NRG3: variants seen among roughly 807,000 people sequenced by gnomAD.
NRG3 encodes the protein pro-neuregulin-3, membrane-bound isoform.
In NRG3, 31 loss-of-function variants were observed where a neutral mutation model predicts 66.9. That is an observed-to-expected ratio of 0.46 (90% CI 0.35 to 0.63). The LOEUF (loss-of-function observed/expected upper bound fraction) is 0.63. Ranked by LOEUF, NRG3 falls within the 20% of genes least tolerant of loss-of-function variation. The probability of loss-of-function intolerance (pLI) is 0.00; values close to 1 mark genes in which losing one functional copy is unlikely to be tolerated. For synonymous variants in NRG3, 393 were observed against 359.4 expected (o/e 1.09, Z -1.06); for missense variants, 910 against 878.9 (o/e 1.04, Z -0.45).
At chr10:82,968,803 T>G (rs1280143200) in intron 6 of NRG3, among the ~76,000 whole-genome samples, 1 of 152,136 alleles carries the variant, frequency 6.6e-6, no homozygotes, top group Non-Finnish European at 1.5e-5. Flanking sequence ...TTTCACACGC[T>G]GATAAAGACC....
intron 3 of NRG3, among the ~76,000 whole-genome samples, chr10:82,743,142 G>T (rs2058500862): frequency 6.6e-6 from 1 of 152,100 alleles, no homozygotes; most frequent in South Asian, 2.1e-4. Flanking sequence ...CCAGTACTTA[G>T]CATATTCCTG....
intron 2 of NRG3, among the ~76,000 whole-genome samples, chr10:82,454,316 G>T (rs1395284647): frequency 6.6e-6 from 1 of 152,056 alleles, no homozygotes; most frequent in East Asian, 1.9e-4. Context: ...TAATGGGTTT[G>T]TTTTTCTAAG....
intron 1 of NRG3, among the ~76,000 whole-genome samples, chr10:81,954,066 TAGGC>T (rs1328821016): frequency 2.0e-5 from 3 of 151,868 alleles, no homozygotes; most frequent in Admixed American, 1.3e-4. Flanking sequence ...TAAAAATAGT[TAGGC>T]AGGTATACAA....
intron 2 of NRG3, among the ~76,000 whole-genome samples, chr10:82,726,622 G>A (rs371846716): frequency 2.6e-5 from 4 of 152,114 alleles, no homozygotes; most frequent in African/African-American, 9.7e-5. Context: ...AACCTCTTTT[G>A]TAAATTGCCC....
intron 1 of NRG3, among the ~76,000 whole-genome samples, chr10:82,038,551 T>G (rs73314700): frequency 0.056 from 8,517 of 152,182 alleles, 588 homozygotes; most frequent in African/African-American, 0.15. Flanking sequence ...TGAGTTTTGT[T>G]TTGTTTTTTC....
rs116681537 is a variant in NRG3 at position 82,224,487 on chromosome 10, G to A, written c.824-134252G>A. The A allele has an allele frequency of 1.6e-3, 241 of 152,278 alleles. 1 individual carries two copies. Among genetic ancestry groups the A allele is most frequent in the African/African-American group, 5.4e-3 (224 of 41,572 alleles). The allele number at this position is 152,278 out of a possible 1,614,324, so 9.4% of individuals were successfully genotyped here. ...CCTCAAATAAACTAAGTGACCTGAC[G>A]ATAGTGACTCTTGTATTCATCTTTG... On this transcript the variant is annotated intron_variant, in intron 1 of 8. Transcript: ENST00000372141.
Position 81,954,550 on chromosome 10 carries a change from C to T in NRG3, c.823+78387C>T, listed in dbSNP as rs138830900. ...TCAAGAGCTTGCTTTCTCTCTCTCTCTATTTTTTCTTTTGGACCCCACAAT... is the reference window on the plus strand; with the variant it reads ...TCAAGAGCTTGCTTTCTCTCTCTCTTTATTTTTTCTTTTGGACCCCACAAT... On this transcript the variant is annotated intron_variant, in intron 1 of 8. Coordinates refer to ENST00000372141, the MANE Select transcript of NRG3 (RefSeq NM_001010848.4). Among the ~76,000 whole-genome samples, 11 of 152,186 alleles carry T rather than the reference C, an allele frequency of 7.2e-5. No homozygotes were observed. The East Asian group carries it at 1.9e-3, about 27-fold the overall frequency.
At chr10:82,124,544 G>A (rs1313799276) in intron 1 of NRG3, among the ~76,000 whole-genome samples, 1 of 151,712 alleles carries the variant, frequency 6.6e-6, no homozygotes, top group Non-Finnish European at 1.5e-5. Flanking sequence ...GGAGGGGAAC[G>A]TCACACAACG....
intron 1 of NRG3, among the ~76,000 whole-genome samples, chr10:82,207,602 GAAATACCC>G (rs985722743): frequency 5.3e-5 from 8 of 152,248 alleles, no homozygotes; most frequent in African/African-American, 1.7e-4. Context: ...CTGCTATGAA[GAAATACCC>G]AAGCCTGGCT....
chr10:82,776,106 A>T (rs755391369), intron 3 of NRG3, among the ~76,000 whole-genome samples: 2 of 152,142 alleles, frequency 1.3e-5, no homozygotes, highest in Non-Finnish European at 2.9e-5. Flanking sequence ...ATTTTTTGTA[A>T]GGCAGTTCTA....
intron 1 of NRG3, among the ~76,000 whole-genome samples, chr10:82,176,217 C>G (rs951488113): frequency 6.6e-6 from 1 of 152,158 alleles, no homozygotes; most frequent in Admixed American, 6.6e-5. Context: ...GATTCTCATG[C>G]AGGATATCCT....
In NRG3 at chr10:82,432,495, TAAA is replaced by T. The variant is rs532419949; in HGVS notation, c.953+73644_953+73646del. On this transcript the variant is annotated intron_variant, in intron 2 of 8. Transcript: ENST00000372141. ...CCACATTTTTTTTCTGTATTTCTTC[TAAA>T]AAAAAAAAAAAAAAAACAGGATACA... 8.2e-3 allele frequency among the ~76,000 whole-genome samples: 964 copies of T among 117,994 alleles called. 10 individuals are homozygous for T. The highest frequency in any genetic ancestry group is 0.02 in the African/African-American group (659 of 33,552). The allele number at this position is 117,994 out of a possible 152,430, so 77.4% of individuals were successfully genotyped here. A position where few individuals can be genotyped will look rare whatever the true frequency, so the allele number is the denominator to read the frequency against.
intron 1 of NRG3, among the ~76,000 whole-genome samples, chr10:81,924,289 C>G (rs1846552142): frequency 6.6e-6 from 1 of 152,200 alleles, no homozygotes. Context: ...AAATATGCTC[C>G]TAAAGTACTT....
intron 1 of NRG3, among the ~76,000 whole-genome samples, chr10:82,107,192 A>G (rs1242925361): frequency 2.0e-5 from 3 of 152,212 alleles, no homozygotes; most frequent in Non-Finnish European, 2.9e-5. Flanking sequence ...AAAATCCCTA[A>G]TCCAAAATAC....
At chr10:82,621,520 T>C (rs1320437058) in intron 2 of NRG3, among the ~76,000 whole-genome samples, 1 of 152,222 alleles carries the variant, frequency 6.6e-6, no homozygotes, top group Admixed American at 6.5e-5. Context: ...GCAGTGCGTG[T>C]TGGCTGTTAG....
At chr10:82,839,361 G>T (rs1185367450) in intron 3 of NRG3, among the ~76,000 whole-genome samples, 1 of 152,062 alleles carries the variant, frequency 6.6e-6, no homozygotes, top group Non-Finnish European at 1.5e-5. Context: ...ATGTCATTAT[G>T]TTGAACTTCT....
At chr10:82,165,431 G>A (rs2071963837) in intron 1 of NRG3, among the ~76,000 whole-genome samples, 1 of 151,934 alleles carries the variant, frequency 6.6e-6, no homozygotes, top group Non-Finnish European at 1.5e-5. Flanking sequence ...TTATAATAAT[G>A]TCAATTTTGT....
intron 1 of NRG3, among the ~76,000 whole-genome samples, chr10:82,021,221 C>T (rs1476624270): frequency 1.3e-5 from 2 of 151,958 alleles, no homozygotes; most frequent in Admixed American, 6.6e-5. Context: ...GCAAGTGCAA[C>T]GACGGTGTTG....
At position 82,416,472 on chromosome 10, in the gene NRG3, C is replaced by T. The variant is rs2136198953; in HGVS notation, c.953+57604C>T. Among the ~76,000 whole-genome samples the T allele has an allele frequency of 2.0e-5, 3 of 152,244 alleles. 1 individual carries two copies. The South Asian group carries it at 6.2e-4, about 32-fold the overall frequency. ...TCATGTATAAGCATAAGAAGGTTGTCCATAGAATGAAAAGAGAGGAGGAGA... is the reference window on the plus strand; with the variant it reads ...TCATGTATAAGCATAAGAAGGTTGTTCATAGAATGAAAAGAGAGGAGGAGA... On this transcript the variant is annotated intron_variant, in intron 2 of 8. Coordinates refer to ENST00000372141, the MANE Select transcript of NRG3 (RefSeq NM_001010848.4).
Sources: allele counts gnomAD v4.1 joint callset (sites outside exome capture counted in the v4.1 genomes callset), GRCh38; gene constraint gnomAD v4.1.1; transcripts MANE v1.5; gene names NCBI Gene and HGNC (gene_info 2026-07-23, HGNC 2026-07-21).